CYP7B1: variants seen among roughly 807,000 people sequenced by gnomAD.
CYP7B1 encodes cytochrome P450 family 7 subfamily B member 1.
A neutral mutation model predicts 42.7 loss-of-function variants in CYP7B1; 29 were observed. The ratio of observed to expected loss-of-function variants is 0.68; its 90% confidence interval spans 0.51 to 0.93. The LOEUF (loss-of-function observed/expected upper bound fraction) is 0.93. Among genes scored for constraint, CYP7B1 ranks in the 40% least tolerant of loss-of-function variants. The pLI, the probability that CYP7B1 is intolerant of heterozygous loss-of-function variation, is 0.00. For missense variants in CYP7B1, 655 were observed against 600.5 expected, an observed-to-expected ratio of 1.09 and a Z score of -0.95; for synonymous variants, 235 against 218.2, an observed-to-expected ratio of 1.08 and a Z score of -0.68.
chr8:64,602,198 G>C (rs1490881101), intron 5 of CYP7B1, among the ~76,000 whole-genome samples: 1 of 152,180 alleles, frequency 6.6e-6, no homozygotes, highest in Non-Finnish European at 1.5e-5. Context: ...GCAAAATACT[G>C]TGTGTTATGC....
intron 1 of CYP7B1, among the ~76,000 whole-genome samples, chr8:64,762,498 G>T (rs4737680): frequency 0.27 from 40,905 of 152,010 alleles, 6,788 homozygotes; most frequent in African/African-American, 0.47. Context: ...TTGAATCAGT[G>T]TGAGAAACTA....
At chr8:64,708,216 G>T (rs1807028042) in intron 1 of CYP7B1, among the ~76,000 whole-genome samples, 1 of 152,066 alleles carries the variant, frequency 6.6e-6, no homozygotes, top group African/African-American at 2.4e-5. Flanking sequence ...AACTATAAAA[G>T]ATTCAAAAGA....
intron 1 of CYP7B1, among the ~76,000 whole-genome samples, chr8:64,676,599 T>C (rs1563386750): frequency 1.3e-5 from 2 of 152,104 alleles, no homozygotes; most frequent in Non-Finnish European, 2.9e-5. Context: ...ACCTGGCACA[T>C]AGTAGACCCT....
At chr8:64,693,675 A>G (rs1806781771) in intron 1 of CYP7B1, among the ~76,000 whole-genome samples, 1 of 152,232 alleles carries the variant, frequency 6.6e-6, no homozygotes. Flanking sequence ...TGGATTAACA[A>G]TGAACTTAGA....
chr8:64,641,763 G>C (rs890120629), intron 1 of CYP7B1, among the ~76,000 whole-genome samples: 2 of 152,054 alleles, frequency 1.3e-5, no homozygotes, highest in South Asian at 4.1e-4. Flanking sequence ...TGAACTGTTA[G>C]GAGCAACATA....
chr8:64,767,699 CA>C (rs1325453489), intron 1 of CYP7B1, among the ~76,000 whole-genome samples: 1 of 152,164 alleles, frequency 6.6e-6, no homozygotes, highest in Admixed American at 6.5e-5. Context: ...TGAAGTATGC[CA>C]AAGAAATAAT....
At chr8:64,624,572 A>G (rs1805580231) in intron 1 of CYP7B1, 33 bp from the exon 2 acceptor site, 2 of 1,609,312 alleles carry the variant, frequency 1.2e-6, no homozygotes, top group Non-Finnish European at 1.7e-6. Flanking sequence ...AAAAGAACAA[A>G]AGAAAAATCA....
At chr8:64,704,953 C>T (rs118138014) in intron 1 of CYP7B1, among the ~76,000 whole-genome samples, 1 of 152,012 alleles carries the variant, frequency 6.6e-6, no homozygotes, top group Non-Finnish European at 1.5e-5. Context: ...AAGGACCTTG[C>T]GTTAGATGTG....
chr8:64,640,013 G>A (rs1805829568), intron 1 of CYP7B1, among the ~76,000 whole-genome samples: 1 of 152,074 alleles, frequency 6.6e-6, no homozygotes, highest in African/African-American at 2.4e-5. Flanking sequence ...CAACAACATT[G>A]ATTAAACCCC....
intron 1 of CYP7B1, among the ~76,000 whole-genome samples, chr8:64,637,009 T>C (rs570072659): frequency 2.6e-5 from 4 of 152,356 alleles, no homozygotes; most frequent in African/African-American, 9.6e-5. Flanking sequence ...TTTGAAATGT[T>C]TAATAAAAAA....
rs138977616 is a variant in CYP7B1 at position 64,616,191 on chromosome 8, T to G, written c.350A>C (p.Lys117Thr). ...GATGCTAAATGCTTTCTCTAATAAT[T>G]TATTAGAAAATACTCGAAAGCTTAA... ...KQLSFRVFSN[K>T]LLEKAFSISQ... Residue 117 changes from lysine (K) to threonine (T), a missense_variant, in exon 3 of 6, where the codon AAA (lysine) becomes ACA (threonine). Lys to Thr is a moderately conservative substitution (Grantham distance 78). Coordinates refer to ENST00000310193, the MANE Select transcript of CYP7B1 (RefSeq NM_004820.5). 2.5e-5 allele frequency: 40 copies of G among 1,611,888 alleles called. No homozygotes were observed. The African/African-American group carries it at 4.9e-4, about 20-fold the overall frequency.
chr8:64,729,535 T>C (rs1433099690), intron 1 of CYP7B1, among the ~76,000 whole-genome samples: 1 of 152,256 alleles, frequency 6.6e-6, no homozygotes, highest in Non-Finnish European at 1.5e-5. Flanking sequence ...AAAACTCTTA[T>C]GTTAGTTATA....
rs201281307 is a variant in CYP7B1 at position 64,596,840 on chromosome 8, C to A, written c.1323G>T (p.Pro441=). Residue 441 remains proline (P), a synonymous_variant, in exon 6 of 6, where the codon CCG becomes CCT. Transcript: ENST00000310193. The stretch of plus-strand genomic sequence containing the variant: ...GACATTTGCTGGTTCCAGTTCCAAA[C>A]GGCATTAGGTAACACTTCAGCTTTT... ...RGKKLKCYLM[P]FGTGTSKCPG... is the part of the protein sequence containing the mutation. 1.5e-5 allele frequency: 25 copies of A among 1,613,880 alleles called. No homozygotes were observed. Among genetic ancestry groups the A allele is most frequent in the African/African-American group, 5.3e-5 (4 of 74,900 alleles).
At chr8:64,619,703 C>T (rs780872719) in intron 2 of CYP7B1, among the ~76,000 whole-genome samples, 7 of 152,116 alleles carry the variant, frequency 4.6e-5, no homozygotes, top group South Asian at 2.1e-4. Flanking sequence ...TTTCCACTTC[C>T]GTTAAAATTA....
At chr8:64,649,230 C>A (rs931491682) in intron 1 of CYP7B1, among the ~76,000 whole-genome samples, 1 of 152,128 alleles carries the variant, frequency 6.6e-6, no homozygotes, top group African/African-American at 2.4e-5. Context: ...TCCCCCAAGC[C>A]CTTGGCAACT....
chr8:64,645,388 G>T (rs1258265088), intron 1 of CYP7B1, among the ~76,000 whole-genome samples: 2 of 152,072 alleles, frequency 1.3e-5, no homozygotes, highest in African/African-American at 4.8e-5. Flanking sequence ...CAGTGTAAAA[G>T]TGTTCCTATT....
chr8:64,700,725 T>C (rs1006191656), intron 1 of CYP7B1, among the ~76,000 whole-genome samples: 1 of 152,136 alleles, frequency 6.6e-6, no homozygotes, highest in Non-Finnish European at 1.5e-5. Flanking sequence ...GAACAAAGTA[T>C]ATGTATATGT....
chr8:64,684,130 G>A lies in CYP7B1; in HGVS notation c.123-59591C>T, dbSNP rs538418402. On this transcript the variant is annotated intron_variant, in intron 1 of 5. Coordinates refer to ENST00000310193, the MANE Select transcript of CYP7B1 (RefSeq NM_004820.5). ...CCATGAGGGCACAGGCTCTGACCACGAAAGTGGGTAAGGGTAGGCATTCAG... is the reference window on the plus strand; with the variant it reads ...CCATGAGGGCACAGGCTCTGACCACAAAAGTGGGTAAGGGTAGGCATTCAG... Among the ~76,000 whole-genome samples, 9 of 152,358 alleles carry A rather than the reference G, an allele frequency of 5.9e-5. No homozygotes were observed. The South Asian group carries it at 1.7e-3, about 28-fold the overall frequency.
chr8:64,586,766 T>A (rs1804973823), downstream of CYP7B1, among the ~76,000 whole-genome samples: 1 of 152,256 alleles, frequency 6.6e-6, no homozygotes, highest in African/African-American at 2.4e-5. Flanking sequence ...CAAGCAACTT[T>A]ACATCAATTA....
Sources: allele counts gnomAD v4.1 joint callset (sites outside exome capture counted in the v4.1 genomes callset), GRCh38; gene constraint gnomAD v4.1.1; transcripts MANE v1.5; gene names NCBI Gene and HGNC (gene_info 2026-07-23, HGNC 2026-07-21).